Variants in TMEM63B observed in about 807,000 individuals in gnomAD.
TMEM63B encodes the protein transmembrane protein 63B.
In TMEM63B, 23 loss-of-function variants were observed where a neutral mutation model predicts 102.6. That is an observed-to-expected ratio of 0.22 (90% CI 0.16 to 0.32). The LOEUF (loss-of-function observed/expected upper bound fraction) is 0.32. TMEM63B is among the 10% of genes least tolerant of loss of function. The pLI, the probability that TMEM63B is intolerant of heterozygous loss-of-function variation, is 1.00. For missense variants in TMEM63B, 628 were observed against 1,095.9 expected (o/e 0.57, Z 6.03); for synonymous variants, 444 against 437.0 (o/e 1.02, Z -0.20).
chr6:44,154,277 G>A (rs929371417), intron 22 of TMEM63B, 88 bp from the exon 23 acceptor site: 3 of 1,596,100 alleles, frequency 1.9e-6, no homozygotes, highest in African/African-American at 1.3e-5. Flanking sequence ...AGGGCTGAGG[G>A]CAGCGCCAAC....
Position 44,152,021 on chromosome 6 carries a change from G to C in TMEM63B, c.1836+13G>C, listed in dbSNP as rs1163094000. 1.9e-6 allele frequency: 3 copies of C among 1,591,016 alleles called. No individual in the cohort carries two copies. In the South Asian group the frequency reaches 3.4e-5, roughly 18 times the overall value. ...CAACGTGAAGCGGGTACGGCCGCCT[G>C]GGGCAGCAGCGGCCCGCACAGCGCC... On this transcript the variant is annotated intron_variant, in intron 19 of 23. Transcript: ENST00000323267. This position sits in a 1 kb window ranked among gnomAD's most constrained non-coding sequence, Gnocchi z 6.4.
In TMEM63B at chr6:44,134,769, C is replaced by T. The variant is rs1333477084; in HGVS notation, c.159+26C>T. 5 of 1,606,524 alleles carry T rather than the reference C, an allele frequency of 3.1e-6. No homozygotes were observed. The African/African-American group carries it at 6.7e-5, about 21-fold the overall frequency. On this transcript the variant is annotated intron_variant, in intron 2 of 23. Transcript: ENST00000323267. The stretch of plus-strand genomic sequence containing the variant: ...GTAAGTGCCTGCTGCCACCCCTTAC[C>T]TTGGCATCCATGCCCTGTACACACC...
chr6:44,145,656 C>G (rs1281140250), intron 10 of TMEM63B, among the ~76,000 whole-genome samples: 2 of 152,024 alleles, frequency 1.3e-5, no homozygotes, highest in Non-Finnish European at 2.9e-5. Context: ...ACTATTCCCT[C>G]CAGCCATGGT....
In TMEM63B at chr6:44,152,324, T is replaced by G. The variant is rs1766865969; in HGVS notation, c.1837-269T>G. 6.6e-6 allele frequency among the ~76,000 whole-genome samples: 1 copy of G among 151,834 alleles called. No individual in the cohort carries two copies. The highest frequency in any genetic ancestry group is 1.5e-5 in the Non-Finnish European group (1 of 67,932). On this transcript the variant is annotated intron_variant, in intron 19 of 23. Coordinates refer to ENST00000323267, the MANE Select transcript of TMEM63B (RefSeq NM_018426.3). This position sits in a 1 kb window ranked among gnomAD's most constrained non-coding sequence, Gnocchi z 6.4. Reference sequence around the variant, plus strand: ...GGGCTCTGGGCATCCCACTCTCAAGTCCACCCAACTCTTGCCCCCTACCTG... The same window carrying G: ...GGGCTCTGGGCATCCCACTCTCAAGGCCACCCAACTCTTGCCCCCTACCTG...
chr6:44,135,243 G>T, intron 3 of TMEM63B, 85 bp from the exon 4 acceptor site: 1 of 1,569,730 alleles, frequency 6.4e-7, no homozygotes, highest in Non-Finnish European at 8.7e-7. Context: ...GGGGGCATGA[G>T]GGCCCTAAGT....
chr6:44,139,685 C>T (rs752129994), intron 7 of TMEM63B, 23 bp from the exon 8 acceptor site: 1 of 1,614,162 alleles, frequency 6.2e-7, no homozygotes, highest in Non-Finnish European at 8.5e-7. Flanking sequence ...CACCATCATC[C>T]TCTCCCTCTT....
At chr6:44,132,411 G>A in intron 1 of TMEM63B, 1 of 789,430 alleles carries the variant, frequency 1.3e-6, no homozygotes, top group Non-Finnish European at 1.5e-6. Flanking sequence ...TGATAGGAAT[G>A]GTACTCTGGG....
chr6:44,152,846 T>C lies in TMEM63B; in HGVS notation c.1942+148T>C. 3.0e-6 allele frequency: 2 copies of C among 671,670 alleles called. No homozygotes were observed. The highest frequency in any genetic ancestry group is 5.1e-6 in the Non-Finnish European group (2 of 394,474). 41.6% of individuals were successfully genotyped at this position (671,670 alleles called of 1,614,324 possible). A position where few individuals can be genotyped will look rare whatever the true frequency, so the allele number is the denominator to read the frequency against. On this transcript the variant is annotated intron_variant, in intron 20 of 23. Transcript: ENST00000323267. The surrounding 1 kb of genome is among the most constrained non-coding windows in gnomAD (Gnocchi z 6.4). ...GGCTCCCGCCCGGTCCCTGGCTCAG[T>C]CTGGGGCCTGGCCTGTGGGGAGGAG...
At position 44,152,051 on chromosome 6, in the gene TMEM63B, G is replaced by T. The variant is rs1348028554; in HGVS notation, c.1836+43G>T. 6 of 1,544,558 alleles carry T rather than the reference G, an allele frequency of 3.9e-6. No homozygotes were observed. In the South Asian group the frequency reaches 5.9e-5, roughly 15 times the overall value. ...AGCAGCGGCCCGCACAGCGCCCCCTGGTGGCCCAACAAGAAACAGCAGCCA... is the reference window on the plus strand; with the variant it reads ...AGCAGCGGCCCGCACAGCGCCCCCTTGTGGCCCAACAAGAAACAGCAGCCA... On this transcript the variant is annotated intron_variant, in intron 19 of 23. Coordinates refer to ENST00000323267, the MANE Select transcript of TMEM63B (RefSeq NM_018426.3). This position sits in a 1 kb window ranked among gnomAD's most constrained non-coding sequence, Gnocchi z 6.4.
At chr6:44,131,251 A>G (rs958555938) in intron 1 of TMEM63B, among the ~76,000 whole-genome samples, 15 of 152,042 alleles carry the variant, frequency 9.9e-5, no homozygotes, top group Admixed American at 5.9e-4. Flanking sequence ...TTGTGGATAT[A>G]TTCTTGCCTT....
chr6:44,151,174 A>G (rs6911630), intron 18 of TMEM63B, among the ~76,000 whole-genome samples: 47,382 of 151,936 alleles, frequency 0.31, 7,935 homozygotes, highest in East Asian at 0.54. Context: ...GATGTTTAGC[A>G]GTACAAGTTC....
chr6:44,143,241 A>G (rs1017878338), intron 10 of TMEM63B, among the ~76,000 whole-genome samples: 1 of 152,262 alleles, frequency 6.6e-6, no homozygotes, highest in Non-Finnish European at 1.5e-5. Context: ...ATACTCTTTC[A>G]TACTACATGC....
At chr6:44,146,537 A>G (rs1201925963) in intron 10 of TMEM63B, among the ~76,000 whole-genome samples, 2 of 151,202 alleles carry the variant, frequency 1.3e-5, no homozygotes, top group African/African-American at 4.9e-5. Context: ...TGCAACCTCC[A>G]CCTCCCGGGT....
chr6:44,149,336 ATGACAGTAGGG>A (rs1482134680), intron 15 of TMEM63B: 1 of 347,696 alleles, frequency 2.9e-6, no homozygotes, highest in Non-Finnish European at 5.5e-6. Context: ...GGCTGCTCCG[ATGACAGTAGGG>A]TGGCATGCAT....
chr6:44,139,798 A>G (rs1763858986), intron 8 of TMEM63B, 39 bp downstream of exon 8: 4 of 1,613,420 alleles, frequency 2.5e-6, no homozygotes, highest in Non-Finnish European at 3.4e-6. Context: ...AAGGTCTACG[A>G]CCAGAGTCTG....
intron 18 of TMEM63B, 125 bp from the exon 19 acceptor site, chr6:44,151,721 C>T: frequency 8.6e-7 from 1 of 1,167,908 alleles, no homozygotes; most frequent in Non-Finnish European, 1.2e-6. Flanking sequence ...GGGCGCTAAG[C>T]TGGGGGTGTC....
chr6:44,128,541 G>A (rs530282691), intron 1 of TMEM63B, among the ~76,000 whole-genome samples: 1 of 152,384 alleles, frequency 6.6e-6, no homozygotes, highest in African/African-American at 2.4e-5. Context: ...GGGAGGAGAG[G>A]TCAGAGGGGC....
intron 10 of TMEM63B, among the ~76,000 whole-genome samples, chr6:44,142,513 G>T (rs919071398): frequency 2.0e-5 from 3 of 152,164 alleles, no homozygotes; most frequent in Non-Finnish European, 4.4e-5. Flanking sequence ...CTGAGCGGCA[G>T]AGCGAGACTG....
At chr6:44,130,636 A>G (rs887379342) in intron 1 of TMEM63B, among the ~76,000 whole-genome samples, 2 of 151,174 alleles carry the variant, frequency 1.3e-5, no homozygotes, top group Admixed American at 6.6e-5. Context: ...TCTTTTGTAG[A>G]GACGGGGTTT....
Sources: allele counts gnomAD v4.1 joint callset (sites outside exome capture counted in the v4.1 genomes callset), GRCh38; gene constraint gnomAD v4.1.1; non-coding constraint Gnocchi (gnomAD v3.1); transcripts MANE v1.5; gene names NCBI Gene and HGNC (gene_info 2026-07-23, HGNC 2026-07-21).